The following OPCML variants were observed in gnomAD, a reference collection of about 807,000 sequenced individuals.
The protein encoded by OPCML is opioid binding protein/cell adhesion molecule like.
OPCML carries 13 observed loss-of-function variants against 37.8 expected under a neutral mutation model. The observed-to-expected ratio is 0.34, with a 90% CI of 0.22 to 0.55. The LOEUF is 0.55. Ranked by LOEUF, OPCML falls within the 20% of genes least tolerant of loss-of-function variation. OPCML has a pLI of 0.91. For missense variants in OPCML, 341 were observed against 435.6 expected, an observed-to-expected ratio of 0.78 and a Z score of 1.93; for synonymous variants, 176 against 168.8, an observed-to-expected ratio of 1.04 and a Z score of -0.33.
chr11:133,025,521 G>C, intron 1 of OPCML: 1 of 961,350 alleles, frequency 1.0e-6, no homozygotes. Context: ...TGGATTCTTC[G>C]GTTGAAAGCA....
At chr11:132,591,809 G>A (rs1591596407) in intron 3 of OPCML, among the ~76,000 whole-genome samples, 1 of 152,338 alleles carries the variant, frequency 6.6e-6, no homozygotes, top group Middle Eastern at 3.4e-3. Context: ...AGAAATATTA[G>A]CACATACACA....
chr11:133,388,425 G>A (rs539490339), intron 1 of OPCML, among the ~76,000 whole-genome samples: 4 of 152,180 alleles, frequency 2.6e-5, no homozygotes, highest in Admixed American at 6.5e-5. Context: ...AGGGGAAGGA[G>A]GGCCTATGGC....
intron 4 of OPCML, among the ~76,000 whole-genome samples, chr11:132,477,527 T>C (rs1169586883): frequency 6.6e-6 from 1 of 152,190 alleles, no homozygotes; most frequent in Non-Finnish European, 1.5e-5. Context: ...GCAACTGTCA[T>C]TCTGGAAAGC....
At chr11:133,483,932 T>C (rs992226658) in intron 1 of OPCML, among the ~76,000 whole-genome samples, 6 of 148,220 alleles carry the variant, frequency 4.0e-5, no homozygotes, top group South Asian at 2.1e-4. Context: ...AGATGAAAGA[T>C]AGATAGATTA....
chr11:132,492,600 G>C, intron 4 of OPCML, among the ~76,000 whole-genome samples: 1 of 151,958 alleles, frequency 6.6e-6, no homozygotes, highest in East Asian at 1.9e-4. Context: ...AGTTTGATTT[G>C]GGGCATAGTA....
intron 1 of OPCML, among the ~76,000 whole-genome samples, chr11:133,293,352 G>A (rs769519986): frequency 1.3e-4 from 20 of 152,108 alleles, no homozygotes; most frequent in Non-Finnish European, 2.6e-4. Context: ...ACATTTTCTT[G>A]TATTTACAAA....
At chr11:133,478,903 T>G (rs1208209829) in intron 1 of OPCML, among the ~76,000 whole-genome samples, 1 of 151,938 alleles carries the variant, frequency 6.6e-6, no homozygotes, top group Non-Finnish European at 1.5e-5. Context: ...CAGAGTTAAA[T>G]AAAGAAACAA....
intron 2 of OPCML, among the ~76,000 whole-genome samples, chr11:132,908,728 C>T (rs1016790255): frequency 4.6e-5 from 7 of 152,212 alleles, no homozygotes; most frequent in African/African-American, 1.4e-4. Context: ...AAAGACATAG[C>T]GCATTGATTT....
intron 1 of OPCML, among the ~76,000 whole-genome samples, chr11:133,056,551 T>C (rs925665553): frequency 6.6e-6 from 1 of 152,180 alleles, no homozygotes; most frequent in African/African-American, 2.4e-5. Flanking sequence ...AAATTAAAAG[T>C]CTGGGGAAGA....
At chr11:133,178,042 G>A (rs2136280667) in intron 1 of OPCML, among the ~76,000 whole-genome samples, 1 of 152,314 alleles carries the variant, frequency 6.6e-6, no homozygotes, top group Middle Eastern at 3.4e-3. Context: ...GATCAGTCAA[G>A]TGGTATTCGT....
At chr11:133,155,131 C>G (rs2137200976) in intron 1 of OPCML, among the ~76,000 whole-genome samples, 1 of 152,240 alleles carries the variant, frequency 6.6e-6, no homozygotes, top group East Asian at 1.9e-4. Flanking sequence ...GGAGGAAATA[C>G]TTGCTAGTGA....
At chr11:132,446,949 T>C (rs760660091) in intron 4 of OPCML, among the ~76,000 whole-genome samples, 1 of 152,164 alleles carries the variant, frequency 6.6e-6, no homozygotes, top group East Asian at 1.9e-4. Flanking sequence ...TAGGAGTGTC[T>C]TGTGCCCTGG....
chr11:132,757,713 A>G (rs1053834396), intron 2 of OPCML, among the ~76,000 whole-genome samples: 3 of 152,218 alleles, frequency 2.0e-5, no homozygotes, highest in Admixed American at 1.3e-4. Flanking sequence ...TGTCAGATAA[A>G]TAGATTGCAA....
At chr11:132,950,187 A>C (rs1301877960) in intron 1 of OPCML, among the ~76,000 whole-genome samples, 3 of 152,192 alleles carry the variant, frequency 2.0e-5, no homozygotes, top group Non-Finnish European at 4.4e-5. Flanking sequence ...TGTGATTGAA[A>C]AGTTTTGCAC....
chr11:132,957,407 T>C (rs1442287145), intron 1 of OPCML, among the ~76,000 whole-genome samples: 1 of 151,936 alleles, frequency 6.6e-6, no homozygotes, highest in Admixed American at 6.6e-5. Flanking sequence ...ATAATCAGAG[T>C]TCTCCAGGGA....
At chr11:133,247,731 T>C (rs1433323801) in intron 1 of OPCML, among the ~76,000 whole-genome samples, 1 of 151,908 alleles carries the variant, frequency 6.6e-6, no homozygotes, top group African/African-American at 2.4e-5. Context: ...AGCCTCCAAG[T>C]AGCTGGGACT....
chr11:133,439,432 C>T (rs1946312385), intron 1 of OPCML: 1 of 984,870 alleles, frequency 1.0e-6, no homozygotes, highest in South Asian at 4.7e-5. Flanking sequence ...ATGAGGCCAA[C>T]CTAACTCTTT....
At position 132,657,170 on chromosome 11, in the gene OPCML, T is replaced by C. The variant is rs1941750892; in HGVS notation, c.296A>G (p.Asp99Gly). The change falls in exon 3 of 8, where the codon GAT (aspartate) becomes GGT (glycine). Residue 99 changes from aspartate (D) to glycine (G), a missense_variant. Transcript: ENST00000524381. ...GGTGTACGGACCTTCGTCATACACA[T>C]CCACATTTTGGATCATGATGCTGTA... is the stretch of plus-strand genomic sequence containing the variant. ...TQYSIMIQNV[D>G]VYDEGPYTCS... is the part of the protein sequence containing the mutation. 6.2e-7 allele frequency: 1 copy of C among 1,614,228 alleles called. No individual in the cohort carries two copies. The highest frequency in any genetic ancestry group is 1.1e-5 in the South Asian group (1 of 91,084).
At chr11:133,524,229 C>T (rs1291413978) in intron 1 of OPCML, among the ~76,000 whole-genome samples, 1 of 152,216 alleles carries the variant, frequency 6.6e-6, no homozygotes, top group Non-Finnish European at 1.5e-5. Context: ...AGCCATACAA[C>T]AGCAAGACCG....
Sources: allele counts gnomAD v4.1 joint callset (sites outside exome capture counted in the v4.1 genomes callset), GRCh38; gene constraint gnomAD v4.1.1; transcripts MANE v1.5; gene names NCBI Gene and HGNC (gene_info 2026-07-23, HGNC 2026-07-21).